GABRG3: variants seen among roughly 807,000 people sequenced by gnomAD.
GABRG3 encodes the protein gamma-aminobutyric acid type A receptor subunit gamma3.
Under a neutral mutation model 48.8 loss-of-function variants are expected in GABRG3, and 25 were observed. The observed-to-expected ratio is 0.51, with a 90% CI of 0.37 to 0.72. GABRG3 has a LOEUF of 0.72. Ranked by LOEUF, GABRG3 falls within the 30% of genes least tolerant of loss-of-function variation. GABRG3 has a pLI of 0.00. For missense variants in GABRG3, 394 were observed against 577.9 expected, an observed-to-expected ratio of 0.68 and a Z score of 3.26; for synonymous variants, 227 against 217.6, an observed-to-expected ratio of 1.04 and a Z score of -0.38.
chr15:27,278,023 C>T (rs918671793), intron 3 of GABRG3, among the ~76,000 whole-genome samples: 12 of 151,944 alleles, frequency 7.9e-5, no homozygotes, highest in African/African-American at 2.9e-4. Context: ...TTTATACACA[C>T]GCATCTGTGT....
rs140691710 is a variant in GABRG3, at chr15:27,300,853, G to C, written c.271-25956G>C. 8.5e-4 allele frequency among the ~76,000 whole-genome samples: 129 copies of C among 152,224 alleles called. 2 individuals are homozygous for C. The East Asian group carries it at 0.015, about 17-fold the overall frequency. ...ACGGTGGCTCACGCCTGTAATCCCA[G>C]CTACTGGGGAGACTGAGGCAGGAGA... On this transcript the variant is annotated intron_variant, in intron 3 of 9. Transcript: ENST00000615808.
intron 5 of GABRG3, among the ~76,000 whole-genome samples, chr15:27,409,301 C>T (rs1043518528): frequency 6.6e-6 from 1 of 151,902 alleles, no homozygotes; most frequent in African/African-American, 2.4e-5. Flanking sequence ...AGGTTTGGTG[C>T]GGGGGCTATG....
chr15:27,305,579 A>C (rs1488724592), intron 3 of GABRG3, among the ~76,000 whole-genome samples: 1 of 144,138 alleles, frequency 6.9e-6, no homozygotes, highest in Non-Finnish European at 1.5e-5. Context: ...TTTATATATA[A>C]ACATATATAT....
At chr15:27,208,935 A>T (rs996172913) in intron 3 of GABRG3, among the ~76,000 whole-genome samples, 1 of 152,198 alleles carries the variant, frequency 6.6e-6, no homozygotes, top group African/African-American at 2.4e-5. Context: ...TCACATTTGT[A>T]TACAAAGAAA....
chr15:27,084,737 C>A (rs559649851), intron 3 of GABRG3, among the ~76,000 whole-genome samples: 1 of 152,200 alleles, frequency 6.6e-6, no homozygotes, highest in Non-Finnish European at 1.5e-5. Context: ...ACAGACTCTA[C>A]GCTAGTTTTA....
intron 3 of GABRG3, chr15:27,208,299 C>T (rs1338171637): frequency 1.5e-5 from 3 of 206,890 alleles, no homozygotes; most frequent in East Asian, 2.4e-4. Flanking sequence ...CCATTTTGAG[C>T]CAAGGCCTGG....
At chr15:27,144,403 C>T (rs1898160251) in intron 3 of GABRG3, among the ~76,000 whole-genome samples, 2 of 152,174 alleles carry the variant, frequency 1.3e-5, no homozygotes, top group South Asian at 4.1e-4. Flanking sequence ...TTCAAACTGT[C>T]TGGTAGTTCT....
intron 3 of GABRG3, among the ~76,000 whole-genome samples, chr15:27,307,860 A>AATATATATAAAATAAACATGTTTATAT (rs1566772255): frequency 1.2e-4 from 16 of 134,574 alleles, no homozygotes; most frequent in African/African-American, 3.5e-4. Flanking sequence ...TTTATATATA[A>AATATATATAAAATAAACATGTTTATAT]ATATATATAA....
chr15:27,199,585 A>G (rs1425359110), intron 3 of GABRG3, among the ~76,000 whole-genome samples: 1 of 151,844 alleles, frequency 6.6e-6, no homozygotes, highest in Non-Finnish European at 1.5e-5. Context: ...TTGTTCTATG[A>G]GTTTACGAGA....
intron 5 of GABRG3, among the ~76,000 whole-genome samples, chr15:27,360,294 G>A (rs1421395948): frequency 6.6e-6 from 1 of 152,122 alleles, no homozygotes; most frequent in Non-Finnish European, 1.5e-5. Flanking sequence ...TGGATTCCAA[G>A]CATGGACAGA....
At chr15:27,355,618 G>A (rs542606713) in intron 5 of GABRG3, among the ~76,000 whole-genome samples, 39 of 152,310 alleles carry the variant, frequency 2.6e-4, no homozygotes, top group South Asian at 1.4e-3. Flanking sequence ...CAAATGTTAA[G>A]TATATAGCAG....
intron 5 of GABRG3, chr15:27,422,329 T>C (rs1382353039): frequency 6.6e-6 from 1 of 152,420 alleles, no homozygotes; most frequent in Non-Finnish European, 1.5e-5. Context: ...CAATACTGAG[T>C]GTTCTAAGAT....
intron 3 of GABRG3, among the ~76,000 whole-genome samples, chr15:27,128,548 G>A (rs967368279): frequency 6.6e-6 from 1 of 152,206 alleles, no homozygotes; most frequent in African/African-American, 2.4e-5. Flanking sequence ...GTTTTACAGA[G>A]TATGTTGTCA....
At chr15:27,422,690 G>GT (rs915712000) in intron 5 of GABRG3, among the ~76,000 whole-genome samples, 1 of 152,116 alleles carries the variant, frequency 6.6e-6, no homozygotes, top group Non-Finnish European at 1.5e-5. Context: ...CATACTGTTT[G>GT]TTTTTTGAGG....
intron 3 of GABRG3, among the ~76,000 whole-genome samples, chr15:27,030,047 C>T (rs547527986): frequency 4.3e-4 from 65 of 152,054 alleles, no homozygotes; most frequent in South Asian, 1.0e-3. Flanking sequence ...AGAGAACTGA[C>T]GGTGTAGGTG....
intron 3 of GABRG3, among the ~76,000 whole-genome samples, chr15:27,231,040 T>C (rs868685485): frequency 1.3e-5 from 2 of 151,840 alleles, no homozygotes; most frequent in Admixed American, 6.6e-5. Context: ...TGTGTGTGTG[T>C]GTGTGTGTGA....
intron 2 of GABRG3, among the ~76,000 whole-genome samples, chr15:27,006,262 C>T (rs555596475): frequency 1.1e-4 from 17 of 151,834 alleles, no homozygotes; most frequent in South Asian, 2.1e-4. Context: ...AGTGGAGTGG[C>T]GCTATCTAGG....
intron 3 of GABRG3, among the ~76,000 whole-genome samples, chr15:27,251,916 G>A (rs1418426521): frequency 6.6e-6 from 1 of 152,216 alleles, no homozygotes; most frequent in Non-Finnish European, 1.5e-5. Flanking sequence ...ACAGTCAGAT[G>A]TGGCTCCTCA....
At chr15:27,406,394 A>G (rs1028152598) in intron 5 of GABRG3, among the ~76,000 whole-genome samples, 1 of 152,136 alleles carries the variant, frequency 6.6e-6, no homozygotes, top group African/African-American at 2.4e-5. Context: ...TATCTTTACA[A>G]TGGTGAGACC....
Sources: allele counts gnomAD v4.1 joint callset (sites outside exome capture counted in the v4.1 genomes callset), GRCh38; gene constraint gnomAD v4.1.1; transcripts MANE v1.5; gene names NCBI Gene and HGNC (gene_info 2026-07-23, HGNC 2026-07-21).